CDKL5: variants seen among roughly 807,000 people sequenced by gnomAD.
CDKL5 encodes the protein cyclin-dependent kinase-like 5.
In CDKL5, 8 loss-of-function variants were observed where a neutral mutation model predicts 61.7. The observed-to-expected ratio is 0.13, with a 90% CI of 0.08 to 0.23. The LOEUF (loss-of-function observed/expected upper bound fraction) is 0.23, where lower values mean the gene tolerates loss of function less well. CDKL5 is among the 10% of genes least tolerant of loss of function. The pLI, the probability that CDKL5 is intolerant of heterozygous loss-of-function variation, is 1.00. For missense variants in CDKL5, 440 were observed against 734.5 expected (o/e 0.60, Z 4.63); for synonymous variants, 275 against 272.3 (o/e 1.01, Z -0.10).
intron 7 of CDKL5, among the ~76,000 whole-genome samples, 164 bp downstream of exon 7, chrX:18,582,114 ACTG>A (rs1272225844): frequency 8.9e-6 from 1 of 111,852 alleles, no homozygotes; most frequent in Non-Finnish European, 1.9e-5. Flanking sequence ...CTGGAGGAGT[ACTG>A]CTCTCTTCAG....
At position 18,630,994 on chromosome X, in the gene CDKL5, T is replaced by C. The variant is rs1927218638; in HGVS notation, c.*2237T>C. ...CCCTTGCAAACCAGAAACTACACTT[T>C]TTTTCTCTGGAAAGACTTCTCACTG... On this transcript the variant is annotated 3_prime_UTR_variant, in exon 18 of 18. Transcript: ENST00000623535. 4.0e-6 allele frequency: 3 copies of C among 745,681 alleles called. No homozygotes were observed. In the South Asian group the frequency reaches 2.1e-4, roughly 52 times the overall value. 61.5% of individuals were successfully genotyped at this position (745,681 alleles called of 1,213,427 possible).
intron 3 of CDKL5, among the ~76,000 whole-genome samples, chrX:18,521,360 A>T (rs188955612): frequency 8.9e-6 from 1 of 111,758 alleles, no homozygotes; most frequent in African/African-American, 3.3e-5. Context: ...GATGATGTAC[A>T]AGGTTTTTAA....
At chrX:18,555,431 A>G (rs943607800) in intron 3 of CDKL5, among the ~76,000 whole-genome samples, 27 of 112,447 alleles carry the variant, frequency 2.4e-4, no homozygotes, top group Non-Finnish European at 4.1e-4. Flanking sequence ...ATTCATTCGT[A>G]GTGATAAAAA....
At chrX:18,644,365 C>T (rs1335413068), downstream of CDKL5, 8 of 1,050,803 alleles carry the variant, frequency 7.6e-6, no homozygotes, top group Admixed American at 4.4e-5. Flanking sequence ...GACAGGAGCT[C>T]GGGGACAGGA....
chrX:18,450,537 C>G (rs1158397751), intron 1 of CDKL5, among the ~76,000 whole-genome samples: 1 of 111,448 alleles, frequency 9.0e-6, no homozygotes, highest in African/African-American at 3.3e-5. Flanking sequence ...GCTTCCTGTC[C>G]AGGGATAAAT....
At chrX:18,473,458 C>T (rs1312712525) in intron 1 of CDKL5, among the ~76,000 whole-genome samples, 6 of 110,218 alleles carry the variant, frequency 5.4e-5, no homozygotes, top group Non-Finnish European at 7.6e-5. Flanking sequence ...TTCCAGTCTC[C>T]GTTAAAGCCA....
rs376068360 is a variant in CDKL5 at position 18,486,936 on chromosome X, A to C, written c.-162-19999A>C. ...CCTTCTCCATATTCCACTTAGCTAC[A>C]TCTTTCTCCTCATTCCTAAAAAAAA... On this transcript the variant is annotated intron_variant, in intron 1 of 17. Transcript: ENST00000623535. Among the ~76,000 whole-genome samples, 74 of 110,575 alleles carry C rather than the reference A, an allele frequency of 6.7e-4. 1 individual carries two copies. The South Asian group carries it at 0.025, about 38-fold the overall frequency.
Position 18,612,183 on chromosome X carries a change from G to A in CDKL5, c.2153-969G>A, listed in dbSNP as rs192831079. Among the ~76,000 whole-genome samples, 456 of 111,683 alleles carry A rather than the reference G, an allele frequency of 4.1e-3. 2 individuals are homozygous for A. Among genetic ancestry groups the A allele is most frequent in the African/African-American group, 0.014 (441 of 30,746 alleles). On this transcript the variant is annotated intron_variant, in intron 14 of 17. Transcript: ENST00000623535. ...AATAGCTAAATTTCTGTGTAATTTT[G>A]TTTAAAAACGAGTGATACTACCTCC...
rs909912339 is a variant in CDKL5 at position 18,425,630 on chromosome X, G to C, written c.-228G>C. Reference sequence around the variant, plus strand: ...ATTAGTTGTCTCTGCCGCTGGGGAAGGTAAAGCGGCGACGGCGTCCTCAGG... The same window carrying C: ...ATTAGTTGTCTCTGCCGCTGGGGAACGTAAAGCGGCGACGGCGTCCTCAGG... On this transcript the variant is annotated 5_prime_UTR_variant, in exon 1 of 18. Coordinates refer to ENST00000623535, the MANE Select transcript of CDKL5 (RefSeq NM_001323289.2). 3.6e-5 allele frequency: 4 copies of C among 112,637 alleles called. No homozygotes were observed. The highest frequency in any genetic ancestry group is 5.6e-5 in the Non-Finnish European group (3 of 53,243). 9.3% of individuals were successfully genotyped at this position (112,637 alleles called of 1,213,427 possible). A position where few individuals can be genotyped will look rare whatever the true frequency, so the allele number is the denominator to read the frequency against.
chrX:18,511,691 G>C (rs1922837258), intron 3 of CDKL5, among the ~76,000 whole-genome samples: 1 of 111,194 alleles, frequency 9.0e-6, no homozygotes, highest in Non-Finnish European at 1.9e-5. Context: ...ATCACCTAAT[G>C]ACATATTTTT....
At chrX:18,561,238 T>C (rs1924794979) in intron 3 of CDKL5, among the ~76,000 whole-genome samples, 1 of 111,339 alleles carries the variant, frequency 9.0e-6, no homozygotes, top group South Asian at 3.8e-4. Context: ...TTCCCAAGAA[T>C]TCTGTGCCTA....
intron 17 of CDKL5, chrX:18,627,228 A>C (rs1000828818): frequency 4.5e-5 from 5 of 112,007 alleles, no homozygotes; most frequent in African/African-American, 9.7e-5. Context: ...TACTTGAGTC[A>C]GTTCTGAAGC....
intron 3 of CDKL5, among the ~76,000 whole-genome samples, chrX:18,532,531 A>G (rs750118804): frequency 8.9e-6 from 1 of 111,803 alleles, no homozygotes; most frequent in East Asian, 2.8e-4. Flanking sequence ...TTGAAAAACT[A>G]ATGAGAATAA....
intron 1 of CDKL5, among the ~76,000 whole-genome samples, chrX:18,459,982 C>T (rs942081513): frequency 9.1e-6 from 1 of 110,121 alleles, no homozygotes; most frequent in Non-Finnish European, 1.9e-5. Context: ...AAGCGATTCT[C>T]CCACCCCAGC....
intron 7 of CDKL5, among the ~76,000 whole-genome samples, chrX:18,583,288 G>GT (rs1351739467): frequency 1.8e-5 from 2 of 111,407 alleles, no homozygotes; most frequent in Non-Finnish European, 3.8e-5. Context: ...ACCACATGCG[G>GT]TATCCTGTGT....
chrX:18,504,942 A>G (rs1305458835), intron 1 of CDKL5, among the ~76,000 whole-genome samples: 1 of 110,288 alleles, frequency 9.1e-6, no homozygotes, highest in Non-Finnish European at 1.9e-5. Context: ...CAAAAAAAAA[A>G]AAAAAAAGAA....
chrX:18,557,260 A>C (rs1924637869), intron 3 of CDKL5, among the ~76,000 whole-genome samples: 1 of 112,311 alleles, frequency 8.9e-6, no homozygotes. Flanking sequence ...AACAATAAAA[A>C]ATACAAATAA....
chrX:18,579,682 C>T (rs1006308378), intron 5 of CDKL5, among the ~76,000 whole-genome samples, 166 bp from the exon 6 acceptor site: 2 of 109,754 alleles, frequency 1.8e-5, no homozygotes, highest in African/African-American at 6.6e-5. Context: ...AAGAAAGCCC[C>T]AATTTTAATG....
intron 3 of CDKL5, among the ~76,000 whole-genome samples, chrX:18,540,126 C>T (rs1923968370): frequency 1.8e-5 from 2 of 110,797 alleles, no homozygotes; most frequent in Admixed American, 9.6e-5. Context: ...TCTTAAATTC[C>T]AAGCTTCTTT....
Sources: allele counts gnomAD v4.1 joint callset (sites outside exome capture counted in the v4.1 genomes callset), GRCh38; gene constraint gnomAD v4.1.1; transcripts MANE v1.5; gene names NCBI Gene and HGNC (gene_info 2026-07-23, HGNC 2026-07-21).